Variants in RBFOX3 observed in about 807,000 individuals in gnomAD.
RBFOX3 encodes the protein RNA binding protein fox-1 homolog 3.
Under a neutral mutation model 48.7 loss-of-function variants are expected in RBFOX3, and 17 were observed. The observed-to-expected ratio is 0.35, with a 90% CI of 0.24 to 0.52. The LOEUF is 0.52. Ranked by LOEUF, RBFOX3 falls within the 20% of genes least tolerant of loss-of-function variation. The probability of loss-of-function intolerance (pLI) is 0.94; values close to 1 mark genes in which losing one functional copy is unlikely to be tolerated. For missense variants in RBFOX3, 382 were observed against 497.5 expected (o/e 0.77, Z 2.21); for synonymous variants, 212 against 209.5 (o/e 1.01, Z -0.10).
At chr17:79,174,766 T>C (rs945216897) in intron 4 of RBFOX3, among the ~76,000 whole-genome samples, 1 of 152,162 alleles carries the variant, frequency 6.6e-6, no homozygotes, top group African/African-American at 2.4e-5. Context: ...CACAACACAC[T>C]TGCCCCACTT....
rs79272858 is a variant in RBFOX3 at position 79,244,056 on chromosome 17, G to A, written c.-73-8251C>T. Among the ~76,000 whole-genome samples, 179 of 152,274 alleles carry A rather than the reference G, an allele frequency of 1.2e-3. 1 individual carries two copies. The highest frequency in any genetic ancestry group is 4.0e-3 in the African/African-American group (166 of 41,556). ...TTCCACACATGAAGGAGATACCACCGCACAGGGCAGAATGGTGTCCCCAGA... is the reference window on the plus strand; with the variant it reads ...TTCCACACATGAAGGAGATACCACCACACAGGGCAGAATGGTGTCCCCAGA... On this transcript the variant is annotated intron_variant, in intron 3 of 14. Coordinates refer to ENST00000693108, the MANE Select transcript of RBFOX3 (RefSeq NM_001350451.2).
intron 1 of RBFOX3, among the ~76,000 whole-genome samples, chr17:79,571,276 C>T: frequency 6.6e-6 from 1 of 152,230 alleles, no homozygotes; most frequent in Non-Finnish European, 1.5e-5. Flanking sequence ...AAGAAAATGG[C>T]AGAGCCTGCC....
intron 14 of RBFOX3, among the ~76,000 whole-genome samples, chr17:79,091,492 T>C (rs2073886335): frequency 6.6e-6 from 1 of 152,102 alleles, no homozygotes; most frequent in African/African-American, 2.4e-5. Flanking sequence ...AGCCAGTGTC[T>C]CCCCAGAAGC....
rs140411594 is a variant in RBFOX3 at position 79,184,370 on chromosome 17, G to C, written c.-34+51396C>G. Among the ~76,000 whole-genome samples the C allele has an allele frequency of 2.6e-5, 4 of 152,264 alleles. No homozygotes were observed. The South Asian group carries it at 8.3e-4, about 32-fold the overall frequency. ...AGACACACTGGACTTGACGTGTTTC[G>C]CTCCCACGGGACAGGCGTGCATAGG... On this transcript the variant is annotated intron_variant, in intron 4 of 14. Transcript: ENST00000693108.
chr17:79,282,412 G>T (rs1047377452), intron 3 of RBFOX3, among the ~76,000 whole-genome samples: 1 of 152,194 alleles, frequency 6.6e-6, no homozygotes, highest in African/African-American at 2.4e-5. Context: ...TTCTGCTCTC[G>T]GGAGCTTAAT....
chr17:79,562,946 C>G (rs2092304964), intron 1 of RBFOX3, among the ~76,000 whole-genome samples: 1 of 152,256 alleles, frequency 6.6e-6, no homozygotes, highest in African/African-American at 2.4e-5. Context: ...CTGCTGGACG[C>G]CTGCCTCCCA....
At position 79,155,008 on chromosome 17, in the gene RBFOX3, C is replaced by A. The variant is rs371130246; in HGVS notation, c.-33-39260G>T. On this transcript the variant is annotated intron_variant, in intron 4 of 14. Coordinates refer to ENST00000693108, the MANE Select transcript of RBFOX3 (RefSeq NM_001350451.2). ...CGGCGTCTGAGGAAGGGGTGGCAGCCGTGCCAGGCATCCAAAGGGTGGGTG... is the reference window on the plus strand; with the variant it reads ...CGGCGTCTGAGGAAGGGGTGGCAGCAGTGCCAGGCATCCAAAGGGTGGGTG... 5.0e-5 allele frequency among the ~76,000 whole-genome samples: 7 copies of A among 140,524 alleles called. No homozygotes were observed. In the East Asian group the frequency reaches 1.8e-3, roughly 36 times the overall value. The allele number at this position is 140,524 out of a possible 152,430, so 92.2% of individuals were successfully genotyped here.
intron 4 of RBFOX3, among the ~76,000 whole-genome samples, chr17:79,222,917 G>A (rs896503200): frequency 2.0e-5 from 3 of 152,146 alleles, no homozygotes; most frequent in African/African-American, 4.8e-5. Flanking sequence ...TGTGTCCCCC[G>A]GGCTCCATTC....
chr17:79,369,610 C>T (rs954944887), intron 2 of RBFOX3, among the ~76,000 whole-genome samples: 1 of 152,092 alleles, frequency 6.6e-6, no homozygotes, highest in East Asian at 1.9e-4. Context: ...CGTTGAAAGC[C>T]GCTCCCCTGC....
At chr17:79,314,342 G>A (rs1457205281) in intron 2 of RBFOX3, among the ~76,000 whole-genome samples, 2 of 152,140 alleles carry the variant, frequency 1.3e-5, no homozygotes, top group African/African-American at 4.8e-5. Flanking sequence ...ACACACCAGA[G>A]CTGGGCTCTC....
In RBFOX3 at chr17:79,398,312, A is replaced by T. The variant is rs1238652542; in HGVS notation, c.-175+84142T>A. Among the ~76,000 whole-genome samples, 4 of 152,232 alleles carry T rather than the reference A, an allele frequency of 2.6e-5. No individual in the cohort carries two copies. In the East Asian group the frequency reaches 7.8e-4, roughly 30 times the overall value. ...CCTGGCCTAGACGAGGCTTCATTGC[A>T]TCAATTTGCACCACGGTTTCAGAAA... On this transcript the variant is annotated intron_variant, in intron 2 of 14. Coordinates refer to ENST00000693108, the MANE Select transcript of RBFOX3 (RefSeq NM_001350451.2).
At chr17:79,288,341 A>G (rs1021057983) in intron 3 of RBFOX3, among the ~76,000 whole-genome samples, 1 of 152,180 alleles carries the variant, frequency 6.6e-6, no homozygotes, top group Non-Finnish European at 1.5e-5. Context: ...ACTTGCCATC[A>G]GAGAGCGGAG....
rs1403130492 is a variant in RBFOX3, at chr17:79,535,549, G to A, written c.-319-52951C>T. ...CCCTCAGATGATCCACAGGCTGGAA[G>A]GGGCCCGGCTACCCCTCAAAGTTTC... On this transcript the variant is annotated intron_variant, in intron 1 of 14. Coordinates refer to ENST00000693108, the MANE Select transcript of RBFOX3 (RefSeq NM_001350451.2). This position sits in a 1 kb window ranked among gnomAD's most constrained non-coding sequence, Gnocchi z 4.5. 6.6e-6 allele frequency among the ~76,000 whole-genome samples: 1 copy of A among 152,202 alleles called. No individual in the cohort carries two copies. The highest frequency in any genetic ancestry group is 2.1e-4 in the South Asian group (1 of 4,836).
chr17:79,323,408 C>A (rs1057494410), intron 2 of RBFOX3, among the ~76,000 whole-genome samples: 1 of 152,186 alleles, frequency 6.6e-6, no homozygotes, highest in East Asian at 1.9e-4. Flanking sequence ...CATCCCAGGG[C>A]AGTTTTCCTG....
intron 3 of RBFOX3, among the ~76,000 whole-genome samples, chr17:79,295,550 G>T (rs1486431056): frequency 1.3e-5 from 2 of 152,214 alleles, no homozygotes; most frequent in Non-Finnish European, 2.9e-5. Context: ...AGCAATGCCT[G>T]ACTCAGGGTC....
At chr17:79,490,245 T>C (rs1210301086) in intron 1 of RBFOX3, among the ~76,000 whole-genome samples, 3 of 152,252 alleles carry the variant, frequency 2.0e-5, no homozygotes, top group Non-Finnish European at 2.9e-5. Flanking sequence ...TACCTTTTGG[T>C]ATTGTTGAAA....
chr17:79,175,306 G>C (rs2050290686), intron 4 of RBFOX3, among the ~76,000 whole-genome samples: 1 of 152,236 alleles, frequency 6.6e-6, no homozygotes, highest in South Asian at 2.1e-4. Context: ...TCCAGGGACA[G>C]GGAGCTCACG....
rs543043756 is a variant in RBFOX3, at chr17:79,208,973, G to A, written c.-34+26793C>T. ...TGGGACTACAGGCACCCGCCACCACGCCCGGCTAATTTTTTGTACTTTTTT... is the reference window on the plus strand; with the variant it reads ...TGGGACTACAGGCACCCGCCACCACACCCGGCTAATTTTTTGTACTTTTTT... On this transcript the variant is annotated intron_variant, in intron 4 of 14. Transcript: ENST00000693108. Among the ~76,000 whole-genome samples, 95 of 152,076 alleles carry A rather than the reference G, an allele frequency of 6.2e-4. 2 individuals carry two copies. Among genetic ancestry groups the A allele is most frequent in the East Asian group, 3.8e-4 (2 of 5,198 alleles).
rs782251226 is a variant in RBFOX3, at chr17:79,489,240, T to TCA, written c.-319-6643_-319-6642insTG. ...TAGCCTTCTAGTCCTGCCAGAAAGT[T>TCA]AAAAAAAAAAAAAAAAAAAAAAGAA... On this transcript the variant is annotated intron_variant, in intron 1 of 14. Coordinates refer to ENST00000693108, the MANE Select transcript of RBFOX3 (RefSeq NM_001350451.2). 1.5e-3 allele frequency among the ~76,000 whole-genome samples: 188 copies of TCA among 126,484 alleles called. 1 individual carries two copies. Among genetic ancestry groups the TCA allele is most frequent in the African/African-American group, 5.4e-3 (181 of 33,262 alleles). 83.0% of individuals were successfully genotyped at this position (126,484 alleles called of 152,430 possible).
Sources: gnomAD v4.1 joint callset for allele counts (sites outside exome capture counted in the v4.1 genomes callset) on GRCh38, gnomAD v4.1.1 for gene constraint, Gnocchi (gnomAD v3.1) non-coding constraint, MANE v1.5 for transcripts, NCBI Gene and HGNC (gene_info 2026-07-23, HGNC 2026-07-21) for gene names.